The following CFAP46 variants were observed in gnomAD, a reference collection of about 807,000 sequenced individuals.
CFAP46 encodes the protein cilia and flagella associated protein 46, also known as cilia- and flagella-associated protein 46.
In CFAP46, 245 loss-of-function variants were observed where a neutral mutation model predicts 325.7. The observed-to-expected ratio is 0.75, with a 90% CI of 0.68 to 0.84. CFAP46 has a LOEUF of 0.84. CFAP46 is among the 40% of genes least tolerant of loss of function. The pLI, the probability that CFAP46 is intolerant of heterozygous loss-of-function variation, is 0.00. For synonymous variants in CFAP46, 1,523 were observed against 1,495.9 expected (o/e 1.02, Z -0.42); for missense variants, 3,346 against 3,543.0 (o/e 0.94, Z 1.41).
At chr10:132,822,476 CTGTGTGTGCTG>C (rs1847882441) in intron 50 of CFAP46, among the ~76,000 whole-genome samples, 1 of 117,962 alleles carries the variant, frequency 8.5e-6, no homozygotes, top group African/African-American at 3.3e-5. Context: ...CTGATGTGTG[CTGTGTGTGCTG>C]TGTGTGCTGA....
intron 35 of CFAP46, among the ~76,000 whole-genome samples, chr10:132,862,055 G>C (rs1191874782): frequency 6.6e-6 from 1 of 152,262 alleles, no homozygotes; most frequent in Admixed American, 6.5e-5. Context: ...ATGCACCTGG[G>C]CATGGCTGTG....
intron 35 of CFAP46, among the ~76,000 whole-genome samples, chr10:132,864,286 CT>C (rs1564783565): frequency 1.6e-5 from 2 of 123,140 alleles, no homozygotes; most frequent in South Asian, 2.7e-4. Flanking sequence ...ACCTGTCCCC[CT>C]GCCTGAGACC....
Position 132,922,092 on chromosome 10 carries a change from T to C in CFAP46, c.1606+12A>G. ...ACCGTTCTGGGCTGGGAGAGCCCAG[T>C]GCAGAGCTCACCTTTGGCCTCATTC... On this transcript the variant is annotated intron_variant, in intron 13 of 57. Coordinates refer to ENST00000368586, the MANE Select transcript of CFAP46 (RefSeq NM_001200049.3). 6.5e-7 allele frequency: 1 copy of C among 1,549,466 alleles called. No individual in the cohort carries two copies. The highest frequency in any genetic ancestry group is 2.4e-5 in the East Asian group (1 of 40,908).
intron 35 of CFAP46, among the ~76,000 whole-genome samples, chr10:132,865,351 C>G (rs920525782): frequency 1.3e-5 from 2 of 152,206 alleles, no homozygotes; most frequent in African/African-American, 4.8e-5. Context: ...GCAGCTGGGG[C>G]TTCCGGTGCT....
intron 24 of CFAP46, among the ~76,000 whole-genome samples, chr10:132,892,743 A>G: frequency 6.6e-6 from 1 of 152,170 alleles, no homozygotes; most frequent in East Asian, 1.9e-4. Context: ...GCTTGAATCG[A>G]TGCTTCCGGA....
intron 35 of CFAP46, among the ~76,000 whole-genome samples, chr10:132,865,049 T>C (rs1450077719): frequency 1.3e-5 from 2 of 152,168 alleles, no homozygotes; most frequent in Non-Finnish European, 2.9e-5. Flanking sequence ...TCACTGAACT[T>C]TTATACCATT....
chr10:132,829,407 C>A (rs938230507), intron 50 of CFAP46, among the ~76,000 whole-genome samples: 1 of 152,202 alleles, frequency 6.6e-6, no homozygotes, highest in Non-Finnish European at 1.5e-5. Flanking sequence ...CTTTTATATC[C>A]TTCAACCTTG....
Position 132,909,983 on chromosome 10 carries a change from G to A in CFAP46, c.2585C>T (p.Thr862Ile). The part of the protein sequence containing the change: ...PTGTRQQLIA[T>I]WVKAKQLLQQ... ...CAGCAGCTGCTTGGCCTTGACCCAG[G>A]TGGCGATAAGCTGCTGCCGGGTGCC... Residue 862 changes from threonine to isoleucine, a missense_variant, in exon 20 of 58, where the codon ACC (threonine) becomes ATC (isoleucine). By Grantham distance (89) the Thr-to-Ile change is moderately conservative (BLOSUM62 -1). Coordinates refer to ENST00000368586, the MANE Select transcript of CFAP46 (RefSeq NM_001200049.3). 1 of 1,543,006 alleles carries A rather than the reference G, an allele frequency of 6.5e-7. No individual in the cohort carries two copies. Among genetic ancestry groups the A allele is most frequent in the Middle Eastern group, 1.7e-4 (1 of 5,842 alleles).
At position 132,827,906 on chromosome 10, in the gene CFAP46, C is replaced by T. The variant is rs1194999444; in HGVS notation, c.7117+5452G>A. On this transcript the variant is annotated intron_variant, in intron 50 of 57. Transcript: ENST00000368586. The surrounding 1 kb of genome is among the most constrained non-coding windows in gnomAD (Gnocchi z 5.7). ...CCTTGATCCAGCCTCTTTCCCTCAGCGTAATCCTTCTGAGTGAGCCCCGTC... is the reference window on the plus strand; with the variant it reads ...CCTTGATCCAGCCTCTTTCCCTCAGTGTAATCCTTCTGAGTGAGCCCCGTC... 2.0e-5 allele frequency among the ~76,000 whole-genome samples: 3 copies of T among 152,036 alleles called. No individual in the cohort carries two copies. The highest frequency in any genetic ancestry group is 3.9e-4 in the East Asian group (2 of 5,184).
intron 46 of CFAP46, 105 bp from the exon 47 acceptor site, chr10:132,835,539 G>T: frequency 7.0e-7 from 1 of 1,424,364 alleles, no homozygotes; most frequent in Non-Finnish European, 9.6e-7. Context: ...CACAGGAAAG[G>T]CTGCATGGAT....
At chr10:132,864,388 G>C (rs1424142313) in intron 35 of CFAP46, among the ~76,000 whole-genome samples, 1 of 96,224 alleles carries the variant, frequency 1.0e-5, no homozygotes. Flanking sequence ...CCTGAGACCT[G>C]CACACACCTG....
intron 50 of CFAP46, among the ~76,000 whole-genome samples, chr10:132,820,452 T>A (rs1267583144): frequency 6.6e-6 from 1 of 152,154 alleles, no homozygotes; most frequent in African/African-American, 2.4e-5. Context: ...TGATGTGTGC[T>A]GTGTGAGCAC....
In CFAP46 at chr10:132,924,719, C is replaced by T. The variant is rs768406605; in HGVS notation, c.1233G>A (p.Ala411=). 5.2e-6 allele frequency: 8 copies of T among 1,538,142 alleles called. No individual in the cohort carries two copies. Among genetic ancestry groups the T allele is most frequent in the African/African-American group, 2.8e-5 (2 of 72,010 alleles). ...HHLRKPLAGV[A]DVLEKLDSLM... ...ACCTGTCCAGCTTCTCCAGCACGTC[C>T]GCAACGCCAGCCAGGGGCTTCCGCA... The change falls in exon 11 of 58, where the codon GCG becomes GCA. Residue 411 remains alanine (A), a synonymous_variant. Coordinates refer to ENST00000368586, the MANE Select transcript of CFAP46 (RefSeq NM_001200049.3).
rs139662727 is a variant in CFAP46 at position 132,869,277 on chromosome 10, G to A, written c.4607C>T (p.Ala1536Val). Residue 1536 changes from alanine to valine, a missense_variant, in exon 33 of 58, where the codon GCC becomes GTC. Ala to Val is a moderately conservative substitution (Grantham distance 64, BLOSUM62 0). Coordinates refer to ENST00000368586, the MANE Select transcript of CFAP46 (RefSeq NM_001200049.3). The surrounding 1 kb of genome is among the most constrained non-coding windows in gnomAD (Gnocchi z 6.2). ...GQVCVSELEQASCRKEIALKK... is the reference protein window; with the variant it reads ...GQVCVSELEQVSCRKEIALKK... ...CGCAGGGTGGGACGGCACACACCTG[G>A]CCTGCTCCAGCTCGCTGACGCACAC... 5,510 of 1,533,818 alleles carry A rather than the reference G, an allele frequency of 3.6e-3. 13 individuals are homozygous for A. Among genetic ancestry groups the A allele is most frequent in the Non-Finnish European group, 4.1e-3 (4,718 of 1,140,786 alleles).
rs112804367 is a variant in CFAP46 at position 132,927,455 on chromosome 10, T to C, written c.967-789A>G. On this transcript the variant is annotated intron_variant, in intron 9 of 57. Coordinates refer to ENST00000368586, the MANE Select transcript of CFAP46 (RefSeq NM_001200049.3). ...GGCAGACGTCCACAAGCACGGGAAGTACCCGCAGCACCTCGGGATGGCTGC... is the reference window on the plus strand; with the variant it reads ...GGCAGACGTCCACAAGCACGGGAAGCACCCGCAGCACCTCGGGATGGCTGC... Among the ~76,000 whole-genome samples the C allele has an allele frequency of 5.3e-5, 8 of 152,004 alleles. 1 individual carries two copies. Among genetic ancestry groups the C allele is most frequent in the African/African-American group, 1.7e-4 (7 of 41,452 alleles).
At chr10:132,909,103 C>T (rs1425122441) in intron 21 of CFAP46, 34 bp downstream of exon 21, 1 of 1,490,958 alleles carries the variant, frequency 6.7e-7, no homozygotes, top group Non-Finnish European at 9.1e-7. Flanking sequence ...CGCCTCTTGG[C>T]CCCTGGCCTC....
At chr10:132,905,532 G>C (rs771775615) in intron 22 of CFAP46, among the ~76,000 whole-genome samples, 15 of 150,746 alleles carry the variant, frequency 1.0e-4, no homozygotes, top group Non-Finnish European at 2.2e-4. Flanking sequence ...TGTATGGGAA[G>C]TACACTCTCT....
Position 132,926,636 on chromosome 10 carries a change from G to A in CFAP46, c.997C>T (p.Leu333=). 1 of 1,536,240 alleles carries A rather than the reference G, an allele frequency of 6.5e-7. No individual in the cohort carries two copies. Among genetic ancestry groups the A allele is most frequent in the Non-Finnish European group, 8.7e-7 (1 of 1,146,916 alleles). ...CTTAAAGCTTCCGATTCACACTCCA[G>A]ACATTCCATTTCAATAAGCTTCCCA... is the stretch of plus-strand genomic sequence containing the variant. ...DPGKLIEMEC[L]ECESEALRLE... The change falls in exon 10 of 58, where the codon CTG becomes TTG. Residue 333 remains leucine (L), a synonymous_variant. Transcript: ENST00000368586.
chr10:132,893,021 A>C (rs1849275335), intron 24 of CFAP46, among the ~76,000 whole-genome samples: 1 of 152,206 alleles, frequency 6.6e-6, no homozygotes, highest in African/African-American at 2.4e-5. Flanking sequence ...AGAGACATAA[A>C]AAACCTAAAA....
Sources: gnomAD v4.1 joint callset for allele counts (sites outside exome capture counted in the v4.1 genomes callset) on GRCh38, gnomAD v4.1.1 for gene constraint, Gnocchi (gnomAD v3.1) non-coding constraint, MANE v1.5 for transcripts, NCBI Gene and HGNC (gene_info 2026-07-23, HGNC 2026-07-21) for gene names.